GLCE: variants seen among roughly 807,000 people sequenced by gnomAD.
GLCE encodes the protein D-glucuronyl C5-epimerase.
A neutral mutation model predicts 47.9 loss-of-function variants in GLCE; 19 were observed. The observed-to-expected ratio is 0.40, with a 90% CI of 0.28 to 0.58. The LOEUF (loss-of-function observed/expected upper bound fraction) is 0.58, where lower values mean the gene tolerates loss of function less well. Among genes scored for constraint, GLCE ranks in the 20% least tolerant of loss-of-function variants. The pLI is 0.48. For missense variants in GLCE, 556 were observed against 743.3 expected, an observed-to-expected ratio of 0.75 and a Z score of 2.93; for synonymous variants, 245 against 263.4, an observed-to-expected ratio of 0.93 and a Z score of 0.68.
rs187131115 is a variant in GLCE, at chr15:69,196,871, C to T, written c.-104-13445C>T. Reference sequence around the variant, plus strand: ...GAACCATTTCTTGATCAGATTGTGACGTGCGTTGGTAAGTGGATTTTATAT... The same window carrying T: ...GAACCATTTCTTGATCAGATTGTGATGTGCGTTGGTAAGTGGATTTTATAT... On this transcript the variant is annotated intron_variant, in intron 1 of 4. Coordinates refer to ENST00000261858, the MANE Select transcript of GLCE (RefSeq NM_015554.3). 3.4e-5 allele frequency: 6 copies of T among 175,014 alleles called. No homozygotes were observed. The South Asian group carries it at 4.0e-4, about 12-fold the overall frequency. The allele number at this position is 175,014 out of a possible 1,614,324, so 10.8% of individuals were successfully genotyped here.
At chr15:69,251,772 C>T (rs2052848004) in intron 2 of GLCE, among the ~76,000 whole-genome samples, 1 of 152,158 alleles carries the variant, frequency 6.6e-6, no homozygotes, top group African/African-American at 2.4e-5. Context: ...GTCTACTTCA[C>T]TCATAATTCT....
chr15:69,173,549 T>G lies in GLCE; in HGVS notation c.-105+12792T>G, dbSNP rs554250612. ...TTCATAATGAAGAAGCCTTTTTATTTTTTTAAGAGATGGGGTCTTGCTCTG... is the reference window on the plus strand; with the variant it reads ...TTCATAATGAAGAAGCCTTTTTATTGTTTTAAGAGATGGGGTCTTGCTCTG... On this transcript the variant is annotated intron_variant, in intron 1 of 4. Coordinates refer to ENST00000261858, the MANE Select transcript of GLCE (RefSeq NM_015554.3). 3.3e-4 allele frequency among the ~76,000 whole-genome samples: 51 copies of G among 152,310 alleles called. No individual in the cohort carries two copies. The South Asian group carries it at 8.9e-3, about 27-fold the overall frequency.
At chr15:69,188,554 G>A (rs913938080) in intron 1 of GLCE, among the ~76,000 whole-genome samples, 2 of 152,100 alleles carry the variant, frequency 1.3e-5, no homozygotes, top group African/African-American at 2.4e-5. Context: ...TTTCTTTGTG[G>A]GGTGGTTTTT....
At chr15:69,169,450 G>C (rs754242538) in intron 1 of GLCE, among the ~76,000 whole-genome samples, 2 of 151,562 alleles carry the variant, frequency 1.3e-5, no homozygotes, top group Admixed American at 6.6e-5. Flanking sequence ...TATGCACAAC[G>C]TGCAGGTTTG....
intron 2 of GLCE, among the ~76,000 whole-genome samples, chr15:69,254,439 T>G (rs2052892677): frequency 6.6e-6 from 1 of 152,148 alleles, no homozygotes; most frequent in Non-Finnish European, 1.5e-5. Flanking sequence ...TTCTGACTGC[T>G]GTGTTAAGAA....
At chr15:69,253,975 TGAAGGGTGCAAA>T (rs2052885293) in intron 2 of GLCE, among the ~76,000 whole-genome samples, 1 of 152,218 alleles carries the variant, frequency 6.6e-6, no homozygotes, top group South Asian at 2.1e-4. Flanking sequence ...TTTCAGACAC[TGAAGGGTGCAAA>T]GTTTGCCTTC....
intron 3 of GLCE, among the ~76,000 whole-genome samples, chr15:69,257,905 A>G (rs1460533700): frequency 6.6e-6 from 1 of 152,022 alleles, no homozygotes; most frequent in Admixed American, 6.6e-5. Context: ...CTAAAATAAA[A>G]AAGTAAAAAG....
intron 1 of GLCE, among the ~76,000 whole-genome samples, chr15:69,169,357 A>G (rs1254002687): frequency 6.6e-6 from 1 of 152,220 alleles, no homozygotes; most frequent in Non-Finnish European, 1.5e-5. Context: ...ATTTAAATAT[A>G]TAATAAAACA....
At chr15:69,240,754 C>T (rs766092149) in intron 2 of GLCE, among the ~76,000 whole-genome samples, 3 of 151,908 alleles carry the variant, frequency 2.0e-5, no homozygotes, top group Non-Finnish European at 4.4e-5. Flanking sequence ...TTGAGAAGCT[C>T]TCCCAAAATG....
chr15:69,264,861 A>G (rs2053063851), intron 4 of GLCE, among the ~76,000 whole-genome samples: 1 of 152,048 alleles, frequency 6.6e-6, no homozygotes, highest in African/African-American at 2.4e-5. Context: ...GTGTCTATTC[A>G]GATCATTTGC....
rs2051409304 is a variant in GLCE, at chr15:69,160,976, G to A, written c.-105+219G>A. ...CAAGGGCGGTGTAGCGGGTGCCGGA[G>A]CTCCCGAGGTGAGGGGGCAATGTAT... On this transcript the variant is annotated intron_variant, in intron 1 of 4. Transcript: ENST00000261858. The surrounding 1 kb of genome is among the most constrained non-coding windows in gnomAD (Gnocchi z 4.2). 6.6e-6 allele frequency among the ~76,000 whole-genome samples: 1 copy of A among 151,776 alleles called. No homozygotes were observed. Among genetic ancestry groups the A allele is most frequent in the Non-Finnish European group, 1.5e-5 (1 of 67,900 alleles).
At chr15:69,213,831 C>T (rs983790500) in intron 2 of GLCE, among the ~76,000 whole-genome samples, 2 of 152,058 alleles carry the variant, frequency 1.3e-5, no homozygotes, top group African/African-American at 4.8e-5. Context: ...TTCTGTAATA[C>T]AGAGTAGTCC....
At chr15:69,188,293 T>C (rs2051859148) in intron 1 of GLCE, among the ~76,000 whole-genome samples, 1 of 152,150 alleles carries the variant, frequency 6.6e-6, no homozygotes, top group African/African-American at 2.4e-5. Context: ...GGTATTGTAC[T>C]TTTTACATAT....
intron 4 of GLCE, among the ~76,000 whole-genome samples, chr15:69,263,155 G>A (rs545704681): frequency 6.6e-6 from 1 of 152,282 alleles, no homozygotes; most frequent in East Asian, 1.9e-4. Flanking sequence ...TAAGGATGCT[G>A]CCTCTCCAGT....
chr15:69,182,202 A>G (rs909948434), intron 1 of GLCE, among the ~76,000 whole-genome samples: 4 of 152,002 alleles, frequency 2.6e-5, no homozygotes, highest in African/African-American at 9.7e-5. Context: ...AGTCAGCATT[A>G]AGGAAACTCA....
chr15:69,247,769 A>G (rs561256406), intron 2 of GLCE, among the ~76,000 whole-genome samples: 3 of 152,324 alleles, frequency 2.0e-5, no homozygotes, highest in Non-Finnish European at 2.9e-5. Flanking sequence ...AGCAAGGCCC[A>G]AGGAGAAGGT....
intron 1 of GLCE, among the ~76,000 whole-genome samples, chr15:69,180,604 C>A (rs555655656): frequency 1.3e-5 from 2 of 152,262 alleles, no homozygotes; most frequent in African/African-American, 4.8e-5. Flanking sequence ...CAGGGAATAG[C>A]AAATGCCAAG....
intron 1 of GLCE, among the ~76,000 whole-genome samples, chr15:69,201,625 C>G (rs1290111805): frequency 6.8e-6 from 1 of 147,958 alleles, no homozygotes; most frequent in Non-Finnish European, 1.5e-5. Context: ...GTTTTACATA[C>G]TAGATGCTTA....
At chr15:69,266,153 A>T (rs749404332) in intron 4 of GLCE, among the ~76,000 whole-genome samples, 22 of 152,174 alleles carry the variant, frequency 1.4e-4, no homozygotes, top group Non-Finnish European at 2.9e-5. Context: ...GTCTATGAGG[A>T]TGTTCTCATT....
Sources: allele counts gnomAD v4.1 joint callset (sites outside exome capture counted in the v4.1 genomes callset), GRCh38; gene constraint gnomAD v4.1.1; non-coding constraint Gnocchi (gnomAD v3.1); transcripts MANE v1.5; gene names NCBI Gene and HGNC (gene_info 2026-07-23, HGNC 2026-07-21).